The following SPMIP7 variants were observed in gnomAD, a reference collection of about 807,000 sequenced individuals.
SPMIP7 encodes sperm microtubule inner protein 7, also known as protein SPMIP7.
At chr7:50,137,129 T>A in the SPMIP7 span, among the ~76,000 whole-genome samples, 1 of 152,128 alleles carries the variant, frequency 6.6e-6, no homozygotes, top group Admixed American at 6.5e-5. Flanking sequence ...AAACCCAGTA[T>A]TAGTGGTATC....
chr7:50,145,214 G>C, the SPMIP7 span, among the ~76,000 whole-genome samples: 229 of 151,618 alleles, frequency 1.5e-3, no homozygotes, highest in African/African-American at 5.4e-3. Context: ...AGTGAGCCAA[G>C]ATCGCGCCAC....
chr7:50,100,192 G>C, the SPMIP7 span, among the ~76,000 whole-genome samples: 1 of 152,184 alleles, frequency 6.6e-6, no homozygotes, highest in African/African-American at 2.4e-5. Flanking sequence ...TGGAAAAGTT[G>C]GGGTGCTAAA....
the SPMIP7 span, among the ~76,000 whole-genome samples, chr7:50,111,957 G>A: frequency 1.5e-3 from 227 of 152,092 alleles, no homozygotes; most frequent in Non-Finnish European, 4.1e-4. Context: ...CTATTTAGCA[G>A]TAAATGAAAC....
the SPMIP7 span, among the ~76,000 whole-genome samples, chr7:50,120,668 A>C: frequency 6.6e-6 from 1 of 152,244 alleles, no homozygotes. Context: ...AGTAGCTAAC[A>C]GCTGGTTTGC....
At chr7:50,151,147 G>T in the SPMIP7 span, among the ~76,000 whole-genome samples, 4 of 152,172 alleles carry the variant, frequency 2.6e-5, no homozygotes, top group Admixed American at 1.3e-4. Flanking sequence ...ATGAAACAGA[G>T]CTCAGCAGTG....
At chr7:50,111,221 A>T in the SPMIP7 span, among the ~76,000 whole-genome samples, 2 of 151,590 alleles carry the variant, frequency 1.3e-5, no homozygotes, top group South Asian at 4.1e-4. Context: ...CAGACTGTGG[A>T]TAAGAGTGGT....
At chr7:50,159,222 C>CGGCG in the SPMIP7 span, 1 of 1,532,044 alleles carries the variant, frequency 6.5e-7, no homozygotes, top group Admixed American at 2.1e-5. Context: ...AAGGCTTGTG[C>CGGCG]GGCGGTGGGA....
chr7:50,110,477 ATATAT>A, the SPMIP7 span, among the ~76,000 whole-genome samples: 29 of 146,354 alleles, frequency 2.0e-4, no homozygotes, highest in Admixed American at 1.6e-3. Context: ...ATATATTTTT[ATATAT>A]TATATTATGT....
the SPMIP7 span, among the ~76,000 whole-genome samples, chr7:50,149,081 G>A: frequency 6.6e-6 from 1 of 152,020 alleles, no homozygotes; most frequent in Non-Finnish European, 1.5e-5. Flanking sequence ...GGAGGTGGAA[G>A]TTGCAGTGAG....
At chr7:50,097,516 G>A in the SPMIP7 span, among the ~76,000 whole-genome samples, 2 of 152,126 alleles carry the variant, frequency 1.3e-5, no homozygotes. Flanking sequence ...GAGGAGTTTA[G>A]AGAACAGGCT....
At chr7:50,125,278 A>G in the SPMIP7 span, among the ~76,000 whole-genome samples, 1 of 141,364 alleles carries the variant, frequency 7.1e-6, no homozygotes, top group Non-Finnish European at 1.5e-5. Flanking sequence ...ATATATACAC[A>G]TATATACACA....
At chr7:50,129,646 T>C in the SPMIP7 span, 1 of 1,052,968 alleles carries the variant, frequency 9.5e-7, no homozygotes. Flanking sequence ...AAAGAAAACA[T>C]GATGACTAGA....
the SPMIP7 span, among the ~76,000 whole-genome samples, chr7:50,102,910 C>T: frequency 4.7e-5 from 7 of 150,212 alleles, no homozygotes; most frequent in Admixed American, 2.7e-4. Flanking sequence ...TCAGATGGGT[C>T]GAATAACTCA....
the SPMIP7 span, among the ~76,000 whole-genome samples, chr7:50,097,602 C>A: frequency 2.0e-5 from 3 of 149,938 alleles, no homozygotes; most frequent in Non-Finnish European, 4.4e-5. Context: ...TTACTATTCT[C>A]TTTATGCCTG....
the SPMIP7 span, among the ~76,000 whole-genome samples, chr7:50,103,052 T>TTATATA: frequency 9.5e-3 from 1,369 of 143,772 alleles, 13 homozygotes; most frequent in Middle Eastern, 0.047. Context: ...ATCATATATT[T>TTATATA]TATATATATA....
the SPMIP7 span, among the ~76,000 whole-genome samples, chr7:50,125,387 CAT>C: frequency 1.4e-5 from 2 of 144,626 alleles, no homozygotes; most frequent in African/African-American, 2.6e-5. Context: ...CATATACACA[CAT>C]ATATATATAC....
chr7:50,100,402 A>G, the SPMIP7 span, among the ~76,000 whole-genome samples: 2 of 152,192 alleles, frequency 1.3e-5, no homozygotes, highest in African/African-American at 4.8e-5. Flanking sequence ...ATTTCTCACA[A>G]AGGTAACTTG....
chr7:50,112,098 T>A, the SPMIP7 span, among the ~76,000 whole-genome samples: 1 of 151,988 alleles, frequency 6.6e-6, no homozygotes, highest in Non-Finnish European at 1.5e-5. Flanking sequence ...AAAATTATCT[T>A]GGAATAATAA....
At chr7:50,152,661 A>G in the SPMIP7 span, among the ~76,000 whole-genome samples, 3 of 121,040 alleles carry the variant, frequency 2.5e-5, no homozygotes, top group African/African-American at 5.8e-5. Context: ...CGTTTATCAC[A>G]CATTTTATTT....
Sources: gnomAD v4.1 joint callset for allele counts (sites outside exome capture counted in the v4.1 genomes callset) on GRCh38, gnomAD v4.1.1 for gene constraint, MANE v1.5 for transcripts, NCBI Gene and HGNC (gene_info 2026-07-23, HGNC 2026-07-21) for gene names.